The following OXCT1 variants were observed in gnomAD, a reference collection of about 807,000 sequenced individuals.
OXCT1 encodes the protein 3-oxoacid CoA-transferase 1, also known as succinyl-CoA:3-ketoacid coenzyme A transferase 1, mitochondrial.
Under a neutral mutation model 69.6 loss-of-function variants are expected in OXCT1, and 27 were observed. The observed-to-expected ratio is 0.39, with a 90% CI of 0.29 to 0.54. OXCT1 has a LOEUF of 0.54. Ranked by LOEUF, OXCT1 falls within the 20% of genes least tolerant of loss-of-function variation. The probability of loss-of-function intolerance (pLI) is 0.72; values close to 1 mark genes in which losing one functional copy is unlikely to be tolerated. For missense variants in OXCT1, 437 were observed against 650.2 expected (o/e 0.67, Z 3.57); for synonymous variants, 202 against 217.8 (o/e 0.93, Z 0.64).
chr5:41,857,234 AAAATGTAAGTCAG>A (rs1393011536), intron 3 of OXCT1, among the ~76,000 whole-genome samples: 8 of 152,194 alleles, frequency 5.3e-5, no homozygotes, highest in African/African-American at 1.7e-4. Context: ...CAAGCCATAT[AAAATGTAAGTCAG>A]AACATATCAC....
intron 7 of OXCT1, among the ~76,000 whole-genome samples, chr5:41,807,872 A>G (rs1015057484): frequency 1.2e-4 from 18 of 152,080 alleles, no homozygotes; most frequent in African/African-American, 4.3e-4. Context: ...TGCTTGGTCA[A>G]TTGAAGAGCT....
At chr5:41,749,870 G>C (rs186744875) in intron 14 of OXCT1, among the ~76,000 whole-genome samples, 140 of 152,196 alleles carry the variant, frequency 9.2e-4, no homozygotes, top group Non-Finnish European at 1.8e-3. Flanking sequence ...GACTTCTCAA[G>C]CCTCAGCCCT....
At position 41,869,710 on chromosome 5, in the gene OXCT1, G is replaced by A. The variant is rs73078221; in HGVS notation, c.78+571C>T. ...GAGCGCTCCAGTCTACGGGGCAGCA[G>A]AGCCAAATAGGGAGGAGAGGATGGG... On this transcript the variant is annotated intron_variant, in intron 1 of 16. Transcript: ENST00000196371. Among the ~76,000 whole-genome samples the A allele has an allele frequency of 9.5e-3, 1,443 of 152,284 alleles. 20 individuals carry two copies. The highest frequency in any genetic ancestry group is 0.033 in the African/African-American group (1,365 of 41,564).
intron 13 of OXCT1, among the ~76,000 whole-genome samples, chr5:41,764,032 T>C (rs923411787): frequency 1.3e-5 from 2 of 152,172 alleles, no homozygotes; most frequent in Non-Finnish European, 2.9e-5. Context: ...ACCAAGCATG[T>C]CTGTTTTTGT....
chr5:41,776,221 C>G (rs1745113196), intron 13 of OXCT1, among the ~76,000 whole-genome samples: 1 of 152,118 alleles, frequency 6.6e-6, no homozygotes, highest in Non-Finnish European at 1.5e-5. Context: ...GTTAATACTT[C>G]AAGACTGACA....
intron 12 of OXCT1, 23 bp downstream of exon 12, chr5:41,794,654 T>C (rs1405447065): frequency 1.9e-6 from 3 of 1,605,130 alleles, no homozygotes; most frequent in Non-Finnish European, 2.6e-6. Flanking sequence ...GTCTGAAACA[T>C]GAGGGGCTCT....
At chr5:41,863,747 C>A (rs1227812654) in intron 1 of OXCT1, among the ~76,000 whole-genome samples, 3 of 152,200 alleles carry the variant, frequency 2.0e-5, no homozygotes, top group African/African-American at 7.2e-5. Context: ...GTAACCCAAT[C>A]TTCCATTAAT....
chr5:41,739,543 T>C (rs1414946084), intron 15 of OXCT1, 52 bp from the exon 16 acceptor site: 1 of 1,324,186 alleles, frequency 7.6e-7, no homozygotes, highest in South Asian at 1.2e-5. Flanking sequence ...AAAATAATTA[T>C]TATATGGCAC....
chr5:41,737,479 G>A (rs1439708906), intron 16 of OXCT1, among the ~76,000 whole-genome samples: 5 of 152,082 alleles, frequency 3.3e-5, no homozygotes, highest in African/African-American at 1.2e-4. Flanking sequence ...TCTTGAAAAT[G>A]TTATCTGATG....
chr5:41,767,983 C>T (rs181116207), intron 13 of OXCT1, among the ~76,000 whole-genome samples: 1 of 151,956 alleles, frequency 6.6e-6, no homozygotes, highest in East Asian at 1.9e-4. Flanking sequence ...CCAAGAGTGA[C>T]TCCATCTAGT....
At position 41,731,421 on chromosome 5, in the gene OXCT1, G is replaced by A; in HGVS notation, c.*308C>T. The A allele has an allele frequency of 9.6e-7, 1 of 1,045,250 alleles. No individual in the cohort carries two copies. Among genetic ancestry groups the A allele is most frequent in the Admixed American group, 4.6e-5 (1 of 21,550 alleles). The allele number at this position is 1,045,250 out of a possible 1,614,324, so 64.7% of individuals were successfully genotyped here. A position where few individuals can be genotyped will look rare whatever the true frequency, so the allele number is the denominator to read the frequency against. On this transcript the variant is annotated 3_prime_UTR_variant, in exon 17 of 17. Coordinates refer to ENST00000196371, the MANE Select transcript of OXCT1 (RefSeq NM_000436.4). ...CACATCAATTTCTAGGGCCCTTCTT[G>A]GGGAAAGGTTCATATAATTTAGCAT...
At chr5:41,814,870 TATA>T (rs1466118081) in intron 7 of OXCT1, among the ~76,000 whole-genome samples, 1 of 152,028 alleles carries the variant, frequency 6.6e-6, no homozygotes. Flanking sequence ...AAACTTAAAG[TATA>T]ATAATAAAAA....
At chr5:41,864,926 T>C (rs1268322316) in intron 1 of OXCT1, among the ~76,000 whole-genome samples, 2 of 152,164 alleles carry the variant, frequency 1.3e-5, no homozygotes, top group African/African-American at 2.4e-5. Context: ...AAAGAGTTCA[T>C]CCACAGCTCA....
At chr5:41,796,591 C>A (rs750337950) in intron 11 of OXCT1, among the ~76,000 whole-genome samples, 16 of 152,048 alleles carry the variant, frequency 1.1e-4, no homozygotes, top group Non-Finnish European at 1.9e-4. Flanking sequence ...AAAGAGTAAG[C>A]TTATTTATAA....
chr5:41,732,752 C>G (rs914542950), intron 16 of OXCT1, among the ~76,000 whole-genome samples: 6 of 152,042 alleles, frequency 3.9e-5, no homozygotes, highest in African/African-American at 1.4e-4. Flanking sequence ...ATATAAGTTT[C>G]AAAGAACTAG....
chr5:41,759,527 C>T (rs548154489), intron 14 of OXCT1, among the ~76,000 whole-genome samples: 10 of 152,136 alleles, frequency 6.6e-5, no homozygotes, highest in African/African-American at 2.2e-4. Context: ...CAGTCTGACC[C>T]GTGTGCCTGA....
intron 3 of OXCT1, among the ~76,000 whole-genome samples, chr5:41,857,669 G>A (rs1047305685): frequency 1.3e-5 from 2 of 152,140 alleles, no homozygotes; most frequent in African/African-American, 4.8e-5. Flanking sequence ...ACAGCTCCCT[G>A]CCTTCACTCC....
intron 11 of OXCT1, among the ~76,000 whole-genome samples, 182 bp from the exon 12 acceptor site, chr5:41,794,931 T>C (rs561545032): frequency 3.3e-5 from 5 of 152,362 alleles, no homozygotes; most frequent in African/African-American, 1.2e-4. Flanking sequence ...ATTTTGTCAC[T>C]GACATTGCTC....
At chr5:41,809,883 C>T (rs779603879) in intron 7 of OXCT1, among the ~76,000 whole-genome samples, 7 of 151,982 alleles carry the variant, frequency 4.6e-5, no homozygotes, top group Non-Finnish European at 1.0e-4. Flanking sequence ...TTTTGTCATC[C>T]TAATATAAAT....
Sources: gnomAD v4.1 joint callset for allele counts (sites outside exome capture counted in the v4.1 genomes callset) on GRCh38, gnomAD v4.1.1 for gene constraint, MANE v1.5 for transcripts, NCBI Gene and HGNC (gene_info 2026-07-23, HGNC 2026-07-21) for gene names.